Variants in EFCAB13 observed in about 807,000 individuals in gnomAD.
EFCAB13 encodes the protein EF-hand calcium binding domain 13.
In EFCAB13, 91 loss-of-function variants were observed where a neutral mutation model predicts 110.2. That is an observed-to-expected ratio of 0.83 (90% CI 0.70 to 0.98). The LOEUF (loss-of-function observed/expected upper bound fraction) is 0.98. Ranked by LOEUF, EFCAB13 falls within the 50% of genes least tolerant of loss-of-function variation. EFCAB13 has a pLI of 0.00. For synonymous variants in EFCAB13, 323 were observed against 369.9 expected, an observed-to-expected ratio of 0.87 and a Z score of 1.45; for missense variants, 968 against 1,119.4, an observed-to-expected ratio of 0.86 and a Z score of 1.93.
rs1311231267 is a variant in EFCAB13, at chr17:47,431,738, G to C, written c.2638+1777G>C. 1.3e-5 allele frequency among the ~76,000 whole-genome samples: 2 copies of C among 152,148 alleles called. No homozygotes were observed. The highest frequency in any genetic ancestry group is 6.5e-5 in the Admixed American group (1 of 15,272). On this transcript the variant is annotated intron_variant, in intron 24 of 24. Transcript: ENST00000331493. This position sits in a 1 kb window ranked among gnomAD's most constrained non-coding sequence, Gnocchi z 4.1. ...GATTGAGAAGAATATATAGTCTGCA[G>C]TTGGGTTGGGTGAGAGTGTTCTATA...
At chr17:47,329,842 A>T (rs557392520) in intron 4 of EFCAB13, 1 of 152,158 alleles carries the variant, frequency 6.6e-6, no homozygotes, top group African/African-American at 2.4e-5. Context: ...GAATCCTTTC[A>T]TCATTTGTAA....
At chr17:47,438,630 G>C (rs964172431) in intron 24 of EFCAB13, among the ~76,000 whole-genome samples, 2 of 151,568 alleles carry the variant, frequency 1.3e-5, no homozygotes, top group African/African-American at 4.8e-5. Flanking sequence ...CTAAAAGCGT[G>C]TCCAAAATTT....
At position 47,395,971 on chromosome 17, in the gene EFCAB13, G is replaced by A; in HGVS notation, c.1939G>A (p.Val647Ile). ...TCTAGCTGCATTGGAACTAGTGACA[G>A]TTGATGGTGAGTGTTACAAATACTA... is the stretch of plus-strand genomic sequence containing the variant. ...EFLAALELVT[V>I]DEGDKVQFEE... The change falls in exon 17 of 25, where the codon GTT becomes ATT. Residue 647 changes from valine to isoleucine, a missense_variant. Transcript: ENST00000331493. 2 of 1,603,334 alleles carry A rather than the reference G, an allele frequency of 1.2e-6. No individual in the cohort carries two copies. The highest frequency in any genetic ancestry group is 1.7e-6 in the Non-Finnish European group (2 of 1,173,914).
intron 10 of EFCAB13, among the ~76,000 whole-genome samples, chr17:47,366,314 GT>G (rs773136385): frequency 0.018 from 2,671 of 144,894 alleles, 69 homozygotes; most frequent in African/African-American, 0.058. Context: ...TGGTATAGCA[GT>G]TTTTTTTTTT....
At chr17:47,346,015 T>G (rs2065413386) in intron 8 of EFCAB13, among the ~76,000 whole-genome samples, 1 of 152,162 alleles carries the variant, frequency 6.6e-6, no homozygotes, top group Non-Finnish European at 1.5e-5. Flanking sequence ...AAACTGAATC[T>G]TTTCTCCCCT....
At chr17:47,439,378 T>C (rs1281212518) in intron 24 of EFCAB13, among the ~76,000 whole-genome samples, 1 of 151,916 alleles carries the variant, frequency 6.6e-6, no homozygotes, top group Non-Finnish European at 1.5e-5. Flanking sequence ...GGTTTCACCA[T>C]GTTGGCCTGG....
intron 22 of EFCAB13, among the ~76,000 whole-genome samples, chr17:47,414,092 G>GAGC (rs1238811756): frequency 1.3e-5 from 2 of 152,080 alleles, no homozygotes; most frequent in Non-Finnish European, 2.9e-5. Context: ...ATATGTCATA[G>GAGC]AGCATCTCTA....
chr17:47,326,459 C>T (rs1441271963), intron 3 of EFCAB13, 72 bp downstream of exon 3: 1 of 152,186 alleles, frequency 6.6e-6, no homozygotes, highest in African/African-American at 2.4e-5. Flanking sequence ...CCCTCCATAC[C>T]ATTCCTCCTT....
intron 17 of EFCAB13, among the ~76,000 whole-genome samples, chr17:47,401,069 T>C (rs930311039): frequency 6.6e-6 from 1 of 152,142 alleles, no homozygotes; most frequent in African/African-American, 2.4e-5. Context: ...TTACAGTTAG[T>C]GATATATAGG....
chr17:47,350,602 T>G (rs1567784484), intron 9 of EFCAB13, among the ~76,000 whole-genome samples: 1 of 126,180 alleles, frequency 7.9e-6, no homozygotes. Flanking sequence ...TGTGTGTGTG[T>G]TTTTTTTTCT....
intron 9 of EFCAB13, among the ~76,000 whole-genome samples, chr17:47,350,142 C>A (rs59701492): frequency 0.052 from 7,886 of 152,050 alleles, 393 homozygotes; most frequent in East Asian, 0.23. Flanking sequence ...GAAGATAATA[C>A]TTTTGTAACT....
At chr17:47,362,467 C>T (rs2065520157) in intron 10 of EFCAB13, among the ~76,000 whole-genome samples, 1 of 152,166 alleles carries the variant, frequency 6.6e-6, no homozygotes, top group East Asian at 1.9e-4. Flanking sequence ...CAAGGAAAAA[C>T]ACCCGCTACT....
At position 47,426,907 on chromosome 17, in the gene EFCAB13, T is replaced by C. The variant is rs183982001; in HGVS notation, c.2495-2911T>C. Among the ~76,000 whole-genome samples, 773 of 152,228 alleles carry C rather than the reference T, an allele frequency of 5.1e-3. 2 individuals carry two copies. Among genetic ancestry groups the C allele is most frequent in the Non-Finnish European group, 7.4e-3 (501 of 67,940 alleles). On this transcript the variant is annotated intron_variant, in intron 23 of 24. Transcript: ENST00000331493. The stretch of plus-strand genomic sequence containing the variant: ...AATTTTTTGCCTTAAATATTTCACA[T>C]TTTAAAAAGTTGTATAGTTTACTAT...
At chr17:47,430,151 A>G (rs1049280909) in intron 24 of EFCAB13, 190 bp downstream of exon 24, 70 of 1,223,190 alleles carry the variant, frequency 5.7e-5, no homozygotes, top group Non-Finnish European at 6.8e-5. Context: ...TGGGGAAGTC[A>G]GAGCTCATCT....
In EFCAB13 at chr17:47,374,475, T is replaced by A. The variant is rs2065602382; in HGVS notation, c.881T>A (p.Ile294Asn). The change falls in exon 12 of 25, where the codon ATT (isoleucine) becomes AAT (asparagine). Residue 294 changes from isoleucine (I) to asparagine (N), a missense_variant. Coordinates refer to ENST00000331493, the MANE Select transcript of EFCAB13 (RefSeq NM_152347.5). ...ATTGTATATTTCTCTTATTTAGCAA[T>A]TACAGAAGGATCACCTTTGAATGAA... Reference protein sequence around the residue: ...ELQEQYEDVSITEGSPLNEIT... With the variant: ...ELQEQYEDVSNTEGSPLNEIT... 1 of 1,498,876 alleles carries A rather than the reference T, an allele frequency of 6.7e-7. No homozygotes were observed. Among genetic ancestry groups the A allele is most frequent in the Admixed American group, 2.4e-5 (1 of 40,894 alleles). 92.8% of individuals were successfully genotyped at this position (1,498,876 alleles called of 1,614,324 possible). A position where few individuals can be genotyped will look rare whatever the true frequency, so the allele number is the denominator to read the frequency against.
At chr17:47,397,196 T>A (rs371847857) in intron 17 of EFCAB13, among the ~76,000 whole-genome samples, 1 of 151,622 alleles carries the variant, frequency 6.6e-6, no homozygotes, top group Admixed American at 6.6e-5. Context: ...ATTTTTTTGG[T>A]GGAGACGGGG....
At chr17:47,386,985 C>A (rs1042525129) in intron 14 of EFCAB13, among the ~76,000 whole-genome samples, 1 of 151,676 alleles carries the variant, frequency 6.6e-6, no homozygotes, top group Non-Finnish European at 1.5e-5. Context: ...CCCAACCAGT[C>A]CCAATGAGAT....
chr17:47,439,842 A>G (rs1450018678), intron 24 of EFCAB13, among the ~76,000 whole-genome samples: 1 of 152,016 alleles, frequency 6.6e-6, no homozygotes, highest in Non-Finnish European at 1.5e-5. Flanking sequence ...CTATTGTAAT[A>G]TCTGAGATTT....
rs1189216164 is a variant in EFCAB13 at position 47,337,178 on chromosome 17, A to G, written c.191+1822A>G. Among the ~76,000 whole-genome samples the G allele has an allele frequency of 2.0e-5, 3 of 152,370 alleles. No individual in the cohort carries two copies. In the East Asian group the frequency reaches 5.8e-4, roughly 29 times the overall value. On this transcript the variant is annotated intron_variant, in intron 5 of 24. Coordinates refer to ENST00000331493, the MANE Select transcript of EFCAB13 (RefSeq NM_152347.5). Reference sequence around the variant, plus strand: ...AAAAGGAAGGTCGTGGGAGGTTAGGAAGAAAAGGAAGGTCGTGGGAGCATC... The same window carrying G: ...AAAAGGAAGGTCGTGGGAGGTTAGGGAGAAAAGGAAGGTCGTGGGAGCATC...
Sources: gnomAD v4.1 joint callset for allele counts (sites outside exome capture counted in the v4.1 genomes callset) on GRCh38, gnomAD v4.1.1 for gene constraint, Gnocchi (gnomAD v3.1) non-coding constraint, MANE v1.5 for transcripts, NCBI Gene and HGNC (gene_info 2026-07-23, HGNC 2026-07-21) for gene names.